The following IDH1 variants were observed in gnomAD, a reference collection of about 807,000 sequenced individuals.
The protein encoded by IDH1 is isocitrate dehydrogenase [NADP] cytoplasmic.
In IDH1, 33 loss-of-function variants were observed where a neutral mutation model predicts 46.1. The observed-to-expected ratio is 0.72, with a 90% CI of 0.54 to 0.96. The LOEUF (loss-of-function observed/expected upper bound fraction) is 0.96. Among genes scored for constraint, IDH1 ranks in the 40% least tolerant of loss-of-function variants. IDH1 has a pLI of 0.00. For missense variants in IDH1, 421 were observed against 515.7 expected (o/e 0.82, Z 1.78); for synonymous variants, 144 against 172.8 (o/e 0.83, Z 1.31).
At chr2:208,249,046 T>C (rs1212621042) in intron 3 of IDH1, among the ~76,000 whole-genome samples, 12 of 152,178 alleles carry the variant, frequency 7.9e-5, no homozygotes, top group Non-Finnish European at 1.8e-4. Flanking sequence ...TAAATATTGC[T>C]CTTTAAAAAT....
chr2:208,251,023 TAGA>T (rs1241156880), intron 3 of IDH1, among the ~76,000 whole-genome samples: 1 of 152,228 alleles, frequency 6.6e-6, no homozygotes, highest in East Asian at 1.9e-4. Context: ...AACAGAAGGT[TAGA>T]AGAATCTGAA....
chr2:208,250,015 G>A (rs182465655), intron 3 of IDH1, among the ~76,000 whole-genome samples: 1 of 152,250 alleles, frequency 6.6e-6, no homozygotes, highest in East Asian at 1.9e-4. Flanking sequence ...CCACTGTCCA[G>A]CCTACATAAA....
intron 4 of IDH1, among the ~76,000 whole-genome samples, chr2:208,245,990 G>A (rs1688014892): frequency 6.6e-6 from 1 of 152,134 alleles, no homozygotes; most frequent in Non-Finnish European, 1.5e-5. Context: ...TACAAGGAGG[G>A]AACTATGATA....
rs1574405259 is a variant in IDH1, at chr2:208,243,438, C to T, written c.687G>A (p.Glu229=). The change falls in exon 6 of 10, where the codon GAG becomes GAA. Residue 229 remains glutamate (E), a synonymous_variant. Coordinates refer to ENST00000345146, the MANE Select transcript of IDH1 (RefSeq NM_005896.4). The part of the protein sequence containing the change: ...YDGRFKDIFQ[E]IYDKQYKSQF... The stretch of plus-strand genomic sequence containing the variant: ...AGAACTATAGTTACTTGTCATATAT[C>T]TCCTGAAAGATGTCTTTAAAACGCC... The T allele has an allele frequency of 6.2e-7, 1 of 1,612,320 alleles. No individual in the cohort carries two copies. Among genetic ancestry groups the T allele is most frequent in the East Asian group, 2.2e-5 (1 of 44,870 alleles).
At chr2:208,239,728 A>C in intron 8 of IDH1, 135 bp downstream of exon 8, 1 of 846,058 alleles carries the variant, frequency 1.2e-6, no homozygotes, top group Non-Finnish European at 2.0e-6. Context: ...GCATATTCAA[A>C]TAGATCTTAC....
chr2:208,240,956 T>C (rs1433673277), intron 7 of IDH1, among the ~76,000 whole-genome samples: 1 of 152,138 alleles, frequency 6.6e-6, no homozygotes, highest in Non-Finnish European at 1.5e-5. Context: ...TGTTTAACAC[T>C]GATAAGAGAC....
intron 7 of IDH1, 36 bp downstream of exon 7, chr2:208,241,958 G>A (rs2124851580): frequency 6.2e-7 from 1 of 1,607,316 alleles, no homozygotes; most frequent in African/African-American, 1.3e-5. Flanking sequence ...ACCCTGGAAT[G>A]ACCCTGTTCC....
rs180928167 is a variant in IDH1 at position 208,236,478 on chromosome 2, C to T, written c.*601G>A. On this transcript the variant is annotated 3_prime_UTR_variant, in exon 10 of 10. Coordinates refer to ENST00000345146, the MANE Select transcript of IDH1 (RefSeq NM_005896.4). ...ACAAACCTCCAGGTAGTATTTATTC[C>T]GGATTCCAAACTCTCCTGCGGCCTA... is the stretch of plus-strand genomic sequence containing the variant. 128 of 232,590 alleles carry T rather than the reference C, an allele frequency of 5.5e-4. No homozygotes were observed. The highest frequency in any genetic ancestry group is 2.6e-3 in the African/African-American group (116 of 45,378). 14.4% of individuals were successfully genotyped at this position (232,590 alleles called of 1,614,324 possible). A position where few individuals can be genotyped will look rare whatever the true frequency, so the allele number is the denominator to read the frequency against.
chr2:208,241,421 T>TG (rs1687917805), intron 7 of IDH1, among the ~76,000 whole-genome samples: 1 of 141,898 alleles, frequency 7.0e-6, no homozygotes, highest in South Asian at 2.2e-4. Flanking sequence ...GAAGTAGAGA[T>TG]GGGGTTTTGC....
chr2:208,236,234 A>G lies in IDH1; in HGVS notation c.*845T>C. ...TAAACAGAAACGCAGAAGAATGGTA[A>G]TTAGCACTTAATTTTAATTAAAATC... On this transcript the variant is annotated 3_prime_UTR_variant, in exon 10 of 10. Transcript: ENST00000345146. The G allele has an allele frequency of 4.9e-6, 1 of 205,306 alleles. No homozygotes were observed. The highest frequency in any genetic ancestry group is 1.0e-5 in the Non-Finnish European group (1 of 100,210). 12.7% of individuals were successfully genotyped at this position (205,306 alleles called of 1,614,324 possible).
intron 9 of IDH1, among the ~76,000 whole-genome samples, chr2:208,237,653 G>A (rs1480978709): frequency 6.6e-6 from 1 of 151,956 alleles, no homozygotes; most frequent in Non-Finnish European, 1.5e-5. Flanking sequence ...GGGCCTGGTG[G>A]CTCACGCCTA....
chr2:208,241,896 C>T (rs1281036693), intron 7 of IDH1, 98 bp downstream of exon 7: 14 of 1,283,894 alleles, frequency 1.1e-5, no homozygotes, highest in Middle Eastern at 2.6e-4. Flanking sequence ...TTTAACATTC[C>T]AAGATTTTAC....
intron 7 of IDH1, chr2:208,240,393 T>G: frequency 5.6e-6 from 1 of 178,460 alleles, no homozygotes; most frequent in Non-Finnish European, 1.2e-5. Context: ...TATACATATA[T>G]TCATAAATAT....
In IDH1 at chr2:208,249,341, C is replaced by A. The variant is rs187350953; in HGVS notation, c.123-681G>T. Among the ~76,000 whole-genome samples the A allele has an allele frequency of 6.6e-5, 10 of 152,282 alleles. No individual in the cohort carries two copies. In the East Asian group the frequency reaches 1.9e-3, roughly 29 times the overall value. On this transcript the variant is annotated intron_variant, in intron 3 of 9. Coordinates refer to ENST00000345146, the MANE Select transcript of IDH1 (RefSeq NM_005896.4). Reference sequence around the variant, plus strand: ...AGTAGCGGGGACTACAGGCATGCACCACCATGCCCAGCTAATTCCTTCTGT... The same window carrying A: ...AGTAGCGGGGACTACAGGCATGCACAACCATGCCCAGCTAATTCCTTCTGT...
chr2:208,237,298 G>T lies in IDH1; in HGVS notation c.1155-129C>A, dbSNP rs867067191. 57 of 686,852 alleles carry T rather than the reference G, an allele frequency of 8.3e-5. No homozygotes were observed. The Middle Eastern group carries it at 2.5e-3, about 30-fold the overall frequency. 42.5% of individuals were successfully genotyped at this position (686,852 alleles called of 1,614,324 possible). On this transcript the variant is annotated intron_variant, in intron 9 of 9. Coordinates refer to ENST00000345146, the MANE Select transcript of IDH1 (RefSeq NM_005896.4). ...TCTGGAAGAAAACGCATTCATGTTAGTAAGCTACAAAATCTATAGACAATG... is the reference window on the plus strand; with the variant it reads ...TCTGGAAGAAAACGCATTCATGTTATTAAGCTACAAAATCTATAGACAATG...
intron 7 of IDH1, 47 bp downstream of exon 7, chr2:208,241,947 T>A (rs1687926762): frequency 1.2e-6 from 2 of 1,602,042 alleles, no homozygotes; most frequent in Non-Finnish European, 1.7e-6. Context: ...ATTAGAGAAC[T>A]ACCCTGGAAT....
chr2:208,253,812 C>T (rs908802368), intron 2 of IDH1, 74 bp downstream of exon 2: 6 of 152,144 alleles, frequency 3.9e-5, no homozygotes, highest in African/African-American at 1.4e-4. Flanking sequence ...CGGCCTGCCC[C>T]CAAGACCAGT....
At chr2:208,239,347 T>C in intron 8 of IDH1, 114 bp from the exon 9 acceptor site, 1 of 1,036,158 alleles carries the variant, frequency 9.7e-7, no homozygotes, top group Non-Finnish European at 1.5e-6. Context: ...CAGACTTCTT[T>C]AGATACTAAC....
intron 7 of IDH1, 108 bp from the exon 8 acceptor site, chr2:208,240,111 A>G: frequency 1.8e-6 from 2 of 1,118,796 alleles, no homozygotes; most frequent in South Asian, 1.3e-5. Flanking sequence ...TGGTAAGCAA[A>G]GTAAACAAGA....
Sources: allele counts gnomAD v4.1 joint callset (sites outside exome capture counted in the v4.1 genomes callset), GRCh38; gene constraint gnomAD v4.1.1; transcripts MANE v1.5; gene names NCBI Gene and HGNC (gene_info 2026-07-23, HGNC 2026-07-21).